Variants in PACRG observed in about 807,000 individuals in gnomAD.
PACRG encodes the protein parkin coregulated.
PACRG carries 29 observed loss-of-function variants against 29.7 expected under a neutral mutation model. The ratio of observed to expected loss-of-function variants is 0.98; its 90% CI spans 0.73 to 1.33. The LOEUF (loss-of-function observed/expected upper bound fraction) is 1.33. Ranked by LOEUF, PACRG falls within the 40% of genes most tolerant of loss-of-function variation. The probability of loss-of-function intolerance (pLI) is 0.00; values close to 1 mark genes in which losing one functional copy is unlikely to be tolerated. For synonymous variants in PACRG, 116 were observed against 118.7 expected (o/e 0.98, Z 0.15); for missense variants, 279 against 316.2 (o/e 0.88, Z 0.89).
At chr6:162,908,126 A>G (rs986443571) in intron 2 of PACRG, among the ~76,000 whole-genome samples, 3 of 152,244 alleles carry the variant, frequency 2.0e-5, no homozygotes, top group Non-Finnish European at 4.4e-5. Context: ...GGCATATATT[A>G]ATACTTACAT....
chr6:162,935,909 A>C (rs1202478987), intron 2 of PACRG, among the ~76,000 whole-genome samples: 3 of 152,198 alleles, frequency 2.0e-5, no homozygotes, highest in African/African-American at 7.2e-5. Flanking sequence ...AACATACTTC[A>C]ACATTACTGT....
At chr6:163,126,131 CTG>C (rs1457769780) in intron 4 of PACRG, among the ~76,000 whole-genome samples, 2 of 152,218 alleles carry the variant, frequency 1.3e-5, no homozygotes, top group Non-Finnish European at 2.9e-5. Flanking sequence ...AGGCACCTAA[CTG>C]TGATGATTCT....
chr6:162,872,279 G>T (rs1217318958), intron 2 of PACRG, among the ~76,000 whole-genome samples: 1 of 152,142 alleles, frequency 6.6e-6, no homozygotes, highest in Non-Finnish European at 1.5e-5. Flanking sequence ...TTGTTAGGTT[G>T]ACTAAAATCT....
At chr6:162,956,464 G>A (rs1458501463) in intron 2 of PACRG, among the ~76,000 whole-genome samples, 1 of 152,088 alleles carries the variant, frequency 6.6e-6, no homozygotes, top group Non-Finnish European at 1.5e-5. Flanking sequence ...TGTTTCCCAG[G>A]GCTGCTGTGA....
chr6:163,115,100 TGTTA>T (rs763379638), intron 4 of PACRG, among the ~76,000 whole-genome samples: 27 of 152,360 alleles, frequency 1.8e-4, no homozygotes, highest in South Asian at 4.1e-4. Context: ...CCATTGAAAC[TGTTA>T]GTTAGCCAAC....
At chr6:162,855,055 T>A (rs993027356) in intron 2 of PACRG, among the ~76,000 whole-genome samples, 1 of 152,248 alleles carries the variant, frequency 6.6e-6, no homozygotes, top group African/African-American at 2.4e-5. Flanking sequence ...AGCAGAGGAC[T>A]CCCCACGCAG....
intron 2 of PACRG, among the ~76,000 whole-genome samples, chr6:162,996,131 T>C (rs1211165839): frequency 2.6e-5 from 4 of 152,132 alleles, no homozygotes; most frequent in African/African-American, 9.7e-5. Context: ...TCACCACTCG[T>C]GTGTGTGCAT....
chr6:163,298,832 C>T (rs1374582941), intron 4 of PACRG, among the ~76,000 whole-genome samples: 1 of 152,228 alleles, frequency 6.6e-6, no homozygotes, highest in African/African-American at 2.4e-5. Flanking sequence ...CTTTGCTGTT[C>T]TGCACTGCAC....
At chr6:162,855,469 T>C (rs1053061485) in intron 2 of PACRG, among the ~76,000 whole-genome samples, 5 of 152,142 alleles carry the variant, frequency 3.3e-5, no homozygotes, top group African/African-American at 1.2e-4. Flanking sequence ...GAAGGAATTA[T>C]TATAGCCATC....
chr6:162,780,524 T>C (rs778976019), intron 1 of PACRG, among the ~76,000 whole-genome samples: 1 of 151,892 alleles, frequency 6.6e-6, no homozygotes, highest in Non-Finnish European at 1.5e-5. Flanking sequence ...CAATTAAAAA[T>C]TATCAGACAT....
chr6:163,079,349 G>A (rs1412384745), intron 3 of PACRG, among the ~76,000 whole-genome samples: 3 of 151,170 alleles, frequency 2.0e-5, no homozygotes, highest in Admixed American at 6.6e-5. Context: ...ACTCAGGGCT[G>A]TACAGGCTGG....
At chr6:163,162,076 C>A (rs1199898257) in intron 4 of PACRG, among the ~76,000 whole-genome samples, 1 of 152,154 alleles carries the variant, frequency 6.6e-6, no homozygotes, top group Non-Finnish European at 1.5e-5. Context: ...TGTCCCACAG[C>A]CTTGGGTATG....
intron 2 of PACRG, among the ~76,000 whole-genome samples, chr6:163,040,409 C>A (rs4709675): frequency 1.6e-4 from 25 of 152,238 alleles, no homozygotes; most frequent in Admixed American, 1.6e-3. Context: ...TTGGAGCCCC[C>A]ATACAGAGTC....
rs145596005 is a variant in PACRG, at chr6:163,013,262, G to GTTTATTTATTTA, written c.292-48868_292-48857dup. ...AACCTGGATGGTAATTTGACTTAAA[G>GTTTATTTATTTA]TTTATTTATTTATTTATTTATTTAT... On this transcript the variant is annotated intron_variant, in intron 2 of 4. Coordinates refer to ENST00000366888, the MANE Select transcript of PACRG (RefSeq NM_001080379.2). Among the ~76,000 whole-genome samples, 1,387 of 150,170 alleles carry GTTTATTTATTTA rather than the reference G, an allele frequency of 9.2e-3. 23 individuals carry two copies. Among genetic ancestry groups the GTTTATTTATTTA allele is most frequent in the African/African-American group, 0.03 (1,228 of 40,650 alleles).
chr6:162,842,787 T>G (rs375594911), intron 2 of PACRG, among the ~76,000 whole-genome samples: 1 of 131,662 alleles, frequency 7.6e-6, no homozygotes, highest in South Asian at 2.8e-4. Context: ...TTTAGGGCAG[T>G]CCTGGTGGTG....
rs1219075138 is a variant in PACRG, at chr6:162,853,503, T to C, written c.291+39222T>C. On this transcript the variant is annotated intron_variant, in intron 2 of 4. Transcript: ENST00000366888. This position sits in a 1 kb window ranked among gnomAD's most constrained non-coding sequence, Gnocchi z 4.7. ...GTCCTTGTAGCCAATCTTCTTGTTTTTATCACAGCCTTAATAAGACAGAAA... is the reference window on the plus strand; with the variant it reads ...GTCCTTGTAGCCAATCTTCTTGTTTCTATCACAGCCTTAATAAGACAGAAA... Among the ~76,000 whole-genome samples, 3 of 152,332 alleles carry C rather than the reference T, an allele frequency of 2.0e-5. No individual in the cohort carries two copies. Among genetic ancestry groups the C allele is most frequent in the African/African-American group, 7.2e-5 (3 of 41,588 alleles).
At chr6:162,800,642 G>A (rs951092219) in intron 1 of PACRG, among the ~76,000 whole-genome samples, 21 of 152,100 alleles carry the variant, frequency 1.4e-4, no homozygotes, top group Non-Finnish European at 2.8e-4. Flanking sequence ...TTGAAATGTC[G>A]ACTGGGATAT....
intron 2 of PACRG, among the ~76,000 whole-genome samples, chr6:162,888,841 C>G (rs533161705): frequency 1.3e-5 from 2 of 152,118 alleles, no homozygotes; most frequent in Non-Finnish European, 2.9e-5. Context: ...CTGAAAAACC[C>G]TTCCCTGAGG....
chr6:162,985,189 C>G (rs539317557), intron 2 of PACRG, among the ~76,000 whole-genome samples: 12 of 151,960 alleles, frequency 7.9e-5, no homozygotes, highest in Admixed American at 1.3e-4. Context: ...AGGGAATCCT[C>G]CTTTCAGTCA....
Sources: allele counts gnomAD v4.1 joint callset (sites outside exome capture counted in the v4.1 genomes callset), GRCh38; gene constraint gnomAD v4.1.1; non-coding constraint Gnocchi (gnomAD v3.1); transcripts MANE v1.5; gene names NCBI Gene and HGNC (gene_info 2026-07-23, HGNC 2026-07-21).